Variants in NFATC2 observed in about 807,000 individuals in gnomAD.
NFATC2 encodes the protein nuclear factor of activated T-cells, cytoplasmic 2.
Under a neutral mutation model 87.3 loss-of-function variants are expected in NFATC2, and 22 were observed. The ratio of observed to expected loss-of-function variants is 0.25; its 90% CI spans 0.18 to 0.36. The LOEUF (loss-of-function observed/expected upper bound fraction) is 0.36, where lower values mean the gene tolerates loss of function less well. Among genes scored for constraint, NFATC2 ranks in the 10% least tolerant of loss-of-function variants. The probability of loss-of-function intolerance (pLI) is 1.00; values close to 1 mark genes in which losing one functional copy is unlikely to be tolerated. For missense variants in NFATC2, 1,149 were observed against 1,259.1 expected (o/e 0.91, Z 1.32); for synonymous variants, 565 against 542.2 (o/e 1.04, Z -0.58).
chr20:51,540,560 C>T (rs1236420068), intron 1 of NFATC2, among the ~76,000 whole-genome samples: 2 of 150,700 alleles, frequency 1.3e-5, no homozygotes, highest in Non-Finnish European at 2.9e-5. Context: ...ATTAATAACA[C>T]GGGGAAACAG....
intron 3 of NFATC2, among the ~76,000 whole-genome samples, chr20:51,510,778 C>A (rs2076260723): frequency 6.6e-6 from 1 of 152,194 alleles, no homozygotes; most frequent in East Asian, 1.9e-4. Flanking sequence ...TGAGCCACCA[C>A]ACTCACCTGA....
Position 51,480,137 on chromosome 20 carries a change from AATTAGCCAGGTAT to A in NFATC2, c.1333-4490_1333-4478del, listed in dbSNP as rs1476184679. Reference sequence around the variant, plus strand: ...ACCCCGTCTCTGTGAAAAATACAAAAATTAGCCAGGTATGGTGGCACGTGCCTGTAATCCCAGC... The same window carrying A: ...ACCCCGTCTCTGTGAAAAATACAAAAGGTGGCACGTGCCTGTAATCCCAGC... On this transcript the variant is annotated intron_variant, in intron 3 of 10. Coordinates refer to ENST00000371564, the MANE Select transcript of NFATC2 (RefSeq NM_012340.5). This position sits in a 1 kb window ranked among gnomAD's most constrained non-coding sequence, Gnocchi z 4.2. Among the ~76,000 whole-genome samples the A allele has an allele frequency of 6.6e-6, 1 of 151,730 alleles. No homozygotes were observed. Among genetic ancestry groups the A allele is most frequent in the Non-Finnish European group, 1.5e-5 (1 of 67,966 alleles).
intron 9 of NFATC2, among the ~76,000 whole-genome samples, chr20:51,412,843 G>A (rs1568942392): frequency 6.6e-6 from 1 of 152,088 alleles, no homozygotes; most frequent in Non-Finnish European, 1.5e-5. Context: ...GGGTCTCCCT[G>A]CAAAAGGAGT....
In NFATC2 at chr20:51,432,663, G is replaced by T; in HGVS notation, c.2126C>A (p.Pro709His). Residue 709 changes from proline (P) to histidine (H), a missense_variant, in exon 9 of 11, where the codon CCC (proline) becomes CAC (histidine). Around this residue, in one of 3 missense-constraint regions of NFATC2, gnomAD observed 581 missense variants for 649.7 expected, o/e 0.89. Transcript: ENST00000371564. This position sits in a 1 kb window ranked among gnomAD's most constrained non-coding sequence, Gnocchi z 4.6. ...HGGLGSQPYYPQHPMVAESPS... is the reference protein window; with the variant it reads ...HGGLGSQPYYHQHPMVAESPS... ...GGACTCGGCCACCATCGGGTGCTGGGGGTAGTAAGGCTGGCTCCCCAGGCC... is the reference window on the plus strand; with the variant it reads ...GGACTCGGCCACCATCGGGTGCTGGTGGTAGTAAGGCTGGCTCCCCAGGCC... 6.4e-7 allele frequency: 1 copy of T among 1,563,640 alleles called. No individual in the cohort carries two copies.
chr20:51,462,742 G>A (rs1169306265), intron 5 of NFATC2, among the ~76,000 whole-genome samples: 5 of 152,160 alleles, frequency 3.3e-5, no homozygotes, highest in African/African-American at 9.7e-5. Flanking sequence ...CTCAGTGAAT[G>A]TTAGTTGTGT....
Position 51,523,540 on chromosome 20 carries a change from C to T in NFATC2, c.701G>A (p.Arg234His), listed in dbSNP as rs770852309. ...TSLAEDSCLG[R>H]HSPVPRPASR... ...GGCCGGACGGGGCACGGGCGAGTGG[C>T]GGCCCAGGCAGCTGTCCTCGGCGAG... The change falls in exon 2 of 11, where the codon CGC becomes CAC. Residue 234 changes from arginine (R) to histidine (H), a missense_variant. This residue lies in a region of NFATC2 where 563 missense variants were observed against 585.2 expected (regional missense o/e 0.96). Coordinates refer to ENST00000371564, the MANE Select transcript of NFATC2 (RefSeq NM_012340.5). This position sits in a 1 kb window ranked among gnomAD's most constrained non-coding sequence, Gnocchi z 6.9. 1 of 1,613,330 alleles carries T rather than the reference C, an allele frequency of 6.2e-7. No individual in the cohort carries two copies. Among genetic ancestry groups the T allele is most frequent in the Admixed American group, 1.7e-5 (1 of 59,954 alleles).
chr20:51,559,031 G>A (rs1045230469), intron 1 of NFATC2, among the ~76,000 whole-genome samples: 1 of 152,210 alleles, frequency 6.6e-6, no homozygotes, highest in Non-Finnish European at 1.5e-5. Context: ...TGGTGAAAGT[G>A]TGATTCTCTC....
intron 3 of NFATC2, among the ~76,000 whole-genome samples, chr20:51,514,656 T>C (rs1176565818): frequency 5.9e-5 from 9 of 152,222 alleles, no homozygotes; most frequent in Admixed American, 5.9e-4. Flanking sequence ...GTGGATCACT[T>C]GAAATCAAGA....
chr20:51,526,108 G>A (rs374308845), intron 1 of NFATC2, among the ~76,000 whole-genome samples: 8 of 151,844 alleles, frequency 5.3e-5, no homozygotes, highest in African/African-American at 1.2e-4. Flanking sequence ...TCCTGAGATC[G>A]ACCCATCAAA....
At chr20:51,542,322 GA>G in intron 1 of NFATC2, 47 bp downstream of exon 1, 1 of 1,579,850 alleles carries the variant, frequency 6.3e-7, no homozygotes, top group South Asian at 1.1e-5. Context: ...CCCCAGGCCT[GA>G]GCCCCTGGCG....
intron 6 of NFATC2, among the ~76,000 whole-genome samples, chr20:51,440,439 G>C (rs1019614725): frequency 1.3e-5 from 2 of 152,102 alleles, no homozygotes; most frequent in African/African-American, 2.4e-5. Flanking sequence ...CAATACTTCT[G>C]CCTACAGGTT....
rs1489929251 is a variant in NFATC2 at position 51,390,405 on chromosome 20, T to C, written c.*1091A>G. The stretch of plus-strand genomic sequence containing the variant: ...TACTTAACAAAAATACCCACACTTC[T>C]TTTCTTGGTTGCTTTAGCCCTTCTG... On this transcript the variant is annotated 3_prime_UTR_variant, in exon 11 of 11. Coordinates refer to ENST00000371564, the MANE Select transcript of NFATC2 (RefSeq NM_012340.5). The C allele has an allele frequency of 6.6e-6, 1 of 152,244 alleles. No homozygotes were observed. The highest frequency in any genetic ancestry group is 2.4e-5 in the African/African-American group (1 of 41,478). The allele number at this position is 152,244 out of a possible 1,614,324, so 9.4% of individuals were successfully genotyped here. A position where few individuals can be genotyped will look rare whatever the true frequency, so the allele number is the denominator to read the frequency against.
At position 51,443,381 on chromosome 20, in the gene NFATC2, C is replaced by G. The variant is rs114510983; in HGVS notation, c.1850-7620G>C. Among the ~76,000 whole-genome samples, 638 of 152,284 alleles carry G rather than the reference C, an allele frequency of 4.2e-3. 5 individuals carry two copies. Among genetic ancestry groups the G allele is most frequent in the African/African-American group, 0.015 (628 of 41,546 alleles). ...GCTCAATTAATACTGGCTGAATAAACAAACAAATTGACCTCAGGATCCTCC... is the reference window on the plus strand; with the variant it reads ...GCTCAATTAATACTGGCTGAATAAAGAAACAAATTGACCTCAGGATCCTCC... On this transcript the variant is annotated intron_variant, in intron 6 of 10. Transcript: ENST00000371564.
At position 51,387,261 on chromosome 20, in the gene NFATC2, A is replaced by T. The variant is rs1394404197; in HGVS notation, c.*4235T>A. ...GGATGCTAAGCTTGTCCCAACAGCC[A>T]TAGCCTCGGTCTGCTCAGGCCAATC... On this transcript the variant is annotated 3_prime_UTR_variant, in exon 11 of 11. Coordinates refer to ENST00000371564, the MANE Select transcript of NFATC2 (RefSeq NM_012340.5). 1 of 152,240 alleles carries T rather than the reference A, an allele frequency of 6.6e-6. No homozygotes were observed. Among genetic ancestry groups the T allele is most frequent in the African/African-American group, 2.4e-5 (1 of 41,458 alleles). 9.4% of individuals were successfully genotyped at this position (152,240 alleles called of 1,614,324 possible). A position where few individuals can be genotyped will look rare whatever the true frequency, so the allele number is the denominator to read the frequency against.
At chr20:51,490,074 A>T (rs2075856127) in intron 3 of NFATC2, among the ~76,000 whole-genome samples, 1 of 152,250 alleles carries the variant, frequency 6.6e-6, no homozygotes, top group African/African-American at 2.4e-5. Flanking sequence ...ATTCACAAAA[A>T]GGGCCATGCT....
intron 1 of NFATC2, among the ~76,000 whole-genome samples, chr20:51,555,625 C>T (rs1470982918): frequency 6.6e-6 from 1 of 151,926 alleles, no homozygotes; most frequent in Non-Finnish European, 1.5e-5. Context: ...GTGATCCTGT[C>T]CCACGATCTT....
At chr20:51,538,637 T>C (rs1371616269) in intron 1 of NFATC2, among the ~76,000 whole-genome samples, 1 of 152,126 alleles carries the variant, frequency 6.6e-6, no homozygotes, top group Non-Finnish European at 1.5e-5. Context: ...ACACAGAGGG[T>C]GCTCAATAGC....
At chr20:51,511,271 G>C (rs953615589) in intron 3 of NFATC2, among the ~76,000 whole-genome samples, 51 of 152,170 alleles carry the variant, frequency 3.4e-4, no homozygotes, top group African/African-American at 1.2e-3. Context: ...TTGTCTGTTT[G>C]TGATCTTGTT....
chr20:51,532,081 T>G (rs2076642339), intron 1 of NFATC2, among the ~76,000 whole-genome samples: 1 of 152,190 alleles, frequency 6.6e-6, no homozygotes, highest in South Asian at 2.1e-4. Flanking sequence ...AGTGGGTCAG[T>G]GAGCCGCTTG....
Sources: gnomAD v4.1 joint callset for allele counts (sites outside exome capture counted in the v4.1 genomes callset) on GRCh38, gnomAD v4.1.1 for gene constraint, gnomAD v4.1.1 regional missense constraint, Gnocchi (gnomAD v3.1) non-coding constraint, MANE v1.5 for transcripts, NCBI Gene and HGNC (gene_info 2026-07-23, HGNC 2026-07-21) for gene names.